STAC: variants seen among roughly 807,000 people sequenced by gnomAD.
STAC encodes the protein SH3 and cysteine rich domain, also known as SH3 and cysteine-rich domain-containing protein.
STAC carries 43 observed loss-of-function variants against 48.8 expected under a neutral mutation model. That is an observed-to-expected ratio of 0.88 (90% confidence interval 0.69 to 1.14). The LOEUF (loss-of-function observed/expected upper bound fraction) is 1.14, where lower values mean the gene tolerates loss of function less well. STAC is among the 50% of genes most tolerant of loss of function. STAC has a pLI of 0.00. For missense variants in STAC, 497 were observed against 504.0 expected (o/e 0.99, Z 0.13); for synonymous variants, 193 against 179.5 (o/e 1.07, Z -0.60).
At chr3:36,475,022 C>T (rs1286762583) in intron 2 of STAC, among the ~76,000 whole-genome samples, 3 of 152,016 alleles carry the variant, frequency 2.0e-5, no homozygotes, top group Non-Finnish European at 2.9e-5. Flanking sequence ...CGCGCGCGCA[C>T]GCATGTGTGT....
At position 36,418,644 on chromosome 3, in the gene STAC, G is replaced by T. The variant is rs550015145; in HGVS notation, c.112-24720G>T. 2.4e-4 allele frequency among the ~76,000 whole-genome samples: 37 copies of T among 151,196 alleles called. 1 individual carries two copies. The highest frequency in any genetic ancestry group is 8.5e-4 in the African/African-American group (35 of 41,238). On this transcript the variant is annotated intron_variant, in intron 1 of 10. Transcript: ENST00000273183. ...TTAAATCAATATTATAAGTTCAATT[G>T]TTCATATATTTTATACTTTCTTTTA...
chr3:36,520,017 G>A (rs922126963), intron 8 of STAC, among the ~76,000 whole-genome samples: 13 of 152,118 alleles, frequency 8.5e-5, no homozygotes, highest in Admixed American at 8.5e-4. Flanking sequence ...ATAGCTCAAA[G>A]GCATTGAAAA....
chr3:36,511,804 T>A (rs1222330624), intron 8 of STAC, among the ~76,000 whole-genome samples: 1 of 152,180 alleles, frequency 6.6e-6, no homozygotes, highest in Admixed American at 6.6e-5. Flanking sequence ...ATTACCCTTC[T>A]CCTCTTTCAC....
intron 2 of STAC, among the ~76,000 whole-genome samples, chr3:36,460,728 T>C (rs536093202): frequency 1.2e-4 from 18 of 152,282 alleles, no homozygotes; most frequent in Middle Eastern, 3.4e-3. Context: ...TTAAAAAACA[T>C]GCTTTGAAGT....
At chr3:36,389,462 T>C (rs1699705015) in intron 1 of STAC, among the ~76,000 whole-genome samples, 2 of 152,236 alleles carry the variant, frequency 1.3e-5, no homozygotes, top group Non-Finnish European at 2.9e-5. Context: ...CGCCTTTTAA[T>C]ACCGTCATAC....
At chr3:36,414,370 G>T (rs930343264) in intron 1 of STAC, among the ~76,000 whole-genome samples, 1 of 152,002 alleles carries the variant, frequency 6.6e-6, no homozygotes, top group Non-Finnish European at 1.5e-5. Flanking sequence ...GGATTTGTTT[G>T]TTTCTTTTTA....
intron 1 of STAC, among the ~76,000 whole-genome samples, chr3:36,397,485 G>C (rs1699878216): frequency 6.6e-6 from 1 of 152,058 alleles, no homozygotes; most frequent in Admixed American, 6.6e-5. Flanking sequence ...TATATATACT[G>C]TAAGTGAAAA....
rs377554522 is a variant in STAC at position 36,464,430 on chromosome 3, G to C, written c.389-18562G>C. ...GATTCTGGACATTAGCACTTTGTCA[G>C]ATTATTTTTAATTTATTTTTTTATT... On this transcript the variant is annotated intron_variant, in intron 2 of 10. Transcript: ENST00000273183. Among the ~76,000 whole-genome samples, 123 of 25,814 alleles carry C rather than the reference G, an allele frequency of 4.8e-3. No homozygotes were observed. The African/African-American group carries it at 0.066, about 14-fold the overall frequency. 16.9% of individuals were successfully genotyped at this position (25,814 alleles called of 152,430 possible).
intron 1 of STAC, among the ~76,000 whole-genome samples, chr3:36,396,756 T>C (rs554999436): frequency 1.1e-4 from 16 of 152,334 alleles, no homozygotes; most frequent in Non-Finnish European, 2.1e-4. Flanking sequence ...AGCAATTTTA[T>C]CGTTTTTATA....
chr3:36,516,825 C>T (rs1408927682), intron 8 of STAC, among the ~76,000 whole-genome samples: 1 of 152,160 alleles, frequency 6.6e-6, no homozygotes, highest in Non-Finnish European at 1.5e-5. Flanking sequence ...ATTTCATGCC[C>T]AGTACAAAGT....
intron 8 of STAC, among the ~76,000 whole-genome samples, chr3:36,521,835 T>C (rs1324748970): frequency 6.6e-6 from 1 of 152,186 alleles, no homozygotes; most frequent in East Asian, 1.9e-4. Flanking sequence ...GGCTCGTGTC[T>C]GTAAGCCCAA....
chr3:36,537,591 A>G lies in STAC; in HGVS notation c.1111-8600A>G, dbSNP rs531056785. ...AGAGGGAGAGCATCAGGATAAAAAT[A>G]TAATGCACGTGGGCTTAATACCTAG... On this transcript the variant is annotated intron_variant, in intron 10 of 10. Transcript: ENST00000273183. Among the ~76,000 whole-genome samples the G allele has an allele frequency of 2.0e-5, 3 of 152,200 alleles. No individual in the cohort carries two copies. The South Asian group carries it at 6.2e-4, about 32-fold the overall frequency.
chr3:36,529,109 A>C (rs969597971), intron 10 of STAC, 124 bp downstream of exon 10: 1 of 1,021,452 alleles, frequency 9.8e-7, no homozygotes, highest in African/African-American at 1.6e-5. Context: ...TTGAGAAAAG[A>C]TATACTTACT....
chr3:36,452,533 G>A (rs1696712703), intron 2 of STAC, among the ~76,000 whole-genome samples: 1 of 152,056 alleles, frequency 6.6e-6, no homozygotes, highest in Non-Finnish European at 1.5e-5. Context: ...TTTAATAGTT[G>A]GCCAATATGA....
chr3:36,447,205 A>G lies in STAC; in HGVS notation c.388+3565A>G, dbSNP rs1473368282. 3.3e-5 allele frequency among the ~76,000 whole-genome samples: 5 copies of G among 152,126 alleles called. No homozygotes were observed. The South Asian group carries it at 1.0e-3, about 32-fold the overall frequency. On this transcript the variant is annotated intron_variant, in intron 2 of 10. Coordinates refer to ENST00000273183, the MANE Select transcript of STAC (RefSeq NM_003149.3). ...TCATTGGCTATGTCTGCCCCCAGGA[A>G]GTAGTGAGAGTGCAGCATTCCAGGC...
chr3:36,524,932 C>T (rs1474497726), intron 8 of STAC, among the ~76,000 whole-genome samples: 1 of 152,166 alleles, frequency 6.6e-6, no homozygotes, highest in Non-Finnish European at 1.5e-5. Flanking sequence ...GAGCGTTTGG[C>T]TAATCTCAAG....
intron 6 of STAC, among the ~76,000 whole-genome samples, chr3:36,500,228 C>T (rs1172353945): frequency 2.6e-5 from 4 of 152,136 alleles, no homozygotes; most frequent in African/African-American, 4.8e-5. Context: ...TTTAAGAACA[C>T]ATGTGGTACA....
chr3:36,441,391 T>C (rs182263030), intron 1 of STAC, among the ~76,000 whole-genome samples: 8 of 152,282 alleles, frequency 5.3e-5, no homozygotes, highest in African/African-American at 1.4e-4. Flanking sequence ...AATGTCCTCC[T>C]GTCCCATCCA....
chr3:36,520,808 C>T (rs1698784114), intron 8 of STAC, among the ~76,000 whole-genome samples: 1 of 152,152 alleles, frequency 6.6e-6, no homozygotes, highest in Non-Finnish European at 1.5e-5. Flanking sequence ...ATGCCTCTCT[C>T]ATTTAGGTTC....
Sources: allele counts gnomAD v4.1 joint callset (sites outside exome capture counted in the v4.1 genomes callset), GRCh38; gene constraint gnomAD v4.1.1; transcripts MANE v1.5; gene names NCBI Gene and HGNC (gene_info 2026-07-23, HGNC 2026-07-21).